MBD3: variants seen among roughly 807,000 people sequenced by gnomAD.
MBD3 encodes the protein methyl-CpG-binding domain protein 3.
Under a neutral mutation model 31.2 loss-of-function variants are expected in MBD3, and 13 were observed. That is an observed-to-expected ratio of 0.42 (90% CI 0.27 to 0.66). The LOEUF (loss-of-function observed/expected upper bound fraction) is 0.66, where lower values mean the gene tolerates loss of function less well. MBD3 is among the 30% of genes least tolerant of loss of function. The pLI is 0.26. For missense variants in MBD3, 440 were observed against 426.5 expected (o/e 1.03, Z -0.28); for synonymous variants, 223 against 187.4 (o/e 1.19, Z -1.55).
At chr19:1,591,029 G>A (rs2060701129) in intron 1 of MBD3, among the ~76,000 whole-genome samples, 1 of 152,214 alleles carries the variant, frequency 6.6e-6, no homozygotes, top group South Asian at 2.1e-4. Flanking sequence ...ACAGCCTCAG[G>A]ATACTCCGCT....
chr19:1,587,946 T>C (rs2145607388), intron 1 of MBD3, among the ~76,000 whole-genome samples: 2 of 152,344 alleles, frequency 1.3e-5, no homozygotes, highest in Admixed American at 1.3e-4. Flanking sequence ...TCCTGGCCCA[T>C]GGCAGATGCC....
intron 5 of MBD3, among the ~76,000 whole-genome samples, chr19:1,579,463 C>T (rs1249486767): frequency 6.6e-6 from 1 of 152,136 alleles, no homozygotes; most frequent in Non-Finnish European, 1.5e-5. Flanking sequence ...GGGGCCGCAG[C>T]ACGTGCTTCT....
intron 3 of MBD3, 152 bp from the exon 4 acceptor site, chr19:1,582,864 C>T: frequency 1.5e-6 from 1 of 681,746 alleles, no homozygotes; most frequent in South Asian, 1.6e-5. Context: ...GTCTCCAGAC[C>T]CTGCCCAGGC....
At chr19:1,590,938 C>A (rs2060700697) in intron 1 of MBD3, among the ~76,000 whole-genome samples, 2 of 152,252 alleles carry the variant, frequency 1.3e-5, no homozygotes, top group Non-Finnish European at 2.9e-5. Flanking sequence ...TGTAGAGGAG[C>A]TTCTCCCTGC....
Position 1,585,523 on chromosome 19 carries a change from G to A in MBD3, c.111-309C>T. The A allele has an allele frequency of 2.4e-6, 1 of 409,656 alleles. No homozygotes were observed. The highest frequency in any genetic ancestry group is 4.6e-6 in the Non-Finnish European group (1 of 219,074). 25.4% of individuals were successfully genotyped at this position (409,656 alleles called of 1,614,324 possible). ...TGGCCCTAGCCCCAGCCTCCACATC[G>A]GATCCTTGCTCCAGACCCCCAACCC... On this transcript the variant is annotated intron_variant, in intron 1 of 6. Transcript: ENST00000434436. This position sits in a 1 kb window ranked among gnomAD's most constrained non-coding sequence, Gnocchi z 4.1.
chr19:1,587,590 T>A (rs1137902), intron 1 of MBD3, among the ~76,000 whole-genome samples: 1 of 152,078 alleles, frequency 6.6e-6, no homozygotes. Flanking sequence ...AATTTTTAAA[T>A]TTTTTGCATA....
chr19:1,592,472 C>T (rs1421345092), intron 1 of MBD3, 50 bp downstream of exon 1: 1 of 1,070,230 alleles, frequency 9.3e-7, no homozygotes, highest in African/African-American at 1.7e-5. Flanking sequence ...GCCGCAGAGG[C>T]CGCTGGGAGG....
chr19:1,583,639 C>T (rs1032593402), intron 3 of MBD3, among the ~76,000 whole-genome samples: 3 of 151,958 alleles, frequency 2.0e-5, no homozygotes, highest in Non-Finnish European at 4.4e-5. Context: ...GGGAGGATCA[C>T]TTGAGGCCAG....
chr19:1,592,854 C>G lies in MBD3; in HGVS notation c.-223G>C, dbSNP rs1271381229. 1 of 147,412 alleles carries G rather than the reference C, an allele frequency of 6.8e-6. No individual in the cohort carries two copies. Among genetic ancestry groups the G allele is most frequent in the Non-Finnish European group, 1.5e-5 (1 of 66,092 alleles). 9.1% of individuals were successfully genotyped at this position (147,412 alleles called of 1,614,324 possible). A position where few individuals can be genotyped will look rare whatever the true frequency, so the allele number is the denominator to read the frequency against. ...CGCCAGCCCCCGCTCGGGGGGCCCG[C>G]TCCGCCCACCCGCCCGCGCGGGGCC... On this transcript the variant is annotated 5_prime_UTR_variant, in exon 1 of 7. Transcript: ENST00000434436.
intron 3 of MBD3, 118 bp from the exon 4 acceptor site, chr19:1,582,830 G>T: frequency 1.2e-6 from 1 of 818,208 alleles, no homozygotes; most frequent in Non-Finnish European, 2.1e-6. Context: ...TCCCAATGGG[G>T]CATCTCCCCT....
chr19:1,578,730 C>T lies in MBD3; in HGVS notation c.678-192G>A, dbSNP rs1161895637. Reference sequence around the variant, plus strand: ...AGAATGACCGGCTGCCGCTGGCCATCGCCAGCGTCCGCCACCCTCCCAGAT... The same window carrying T: ...AGAATGACCGGCTGCCGCTGGCCATTGCCAGCGTCCGCCACCCTCCCAGAT... On this transcript the variant is annotated intron_variant, in intron 5 of 6. Coordinates refer to ENST00000434436, the MANE Select transcript of MBD3 (RefSeq NM_001281453.2). This position sits in a 1 kb window ranked among gnomAD's most constrained non-coding sequence, Gnocchi z 6.1. Among the ~76,000 whole-genome samples the T allele has an allele frequency of 6.6e-6, 1 of 152,178 alleles. No homozygotes were observed. Among genetic ancestry groups the T allele is most frequent in the Non-Finnish European group, 1.5e-5 (1 of 68,018 alleles).
chr19:1,589,601 C>T (rs1485984239), intron 1 of MBD3, among the ~76,000 whole-genome samples: 5 of 152,080 alleles, frequency 3.3e-5, no homozygotes, highest in East Asian at 1.9e-4. Flanking sequence ...TGCAGTCAGC[C>T]GAGATTGCAC....
Position 1,578,006 on chromosome 19 carries a change from G to A in MBD3, c.*158C>T. The A allele has an allele frequency of 2.2e-6, 1 of 457,334 alleles. No individual in the cohort carries two copies. The highest frequency in any genetic ancestry group is 2.3e-5 in the South Asian group (1 of 44,038). 28.3% of individuals were successfully genotyped at this position (457,334 alleles called of 1,614,324 possible). A position where few individuals can be genotyped will look rare whatever the true frequency, so the allele number is the denominator to read the frequency against. On this transcript the variant is annotated 3_prime_UTR_variant, in exon 7 of 7. Coordinates refer to ENST00000434436, the MANE Select transcript of MBD3 (RefSeq NM_001281453.2). This position sits in a 1 kb window ranked among gnomAD's most constrained non-coding sequence, Gnocchi z 6.1. The stretch of plus-strand genomic sequence containing the variant: ...CCAGCTGTGTGCCCCGAGGCCCCGG[G>A]AAGTGGGGACGGGCCGAGGAGGGAG...
rs545777985 is a variant in MBD3, at chr19:1,575,290, C to T, written c.*2874G>A. 4 of 440,662 alleles carry T rather than the reference C, an allele frequency of 9.1e-6. No homozygotes were observed. Among genetic ancestry groups the T allele is most frequent in the East Asian group, 7.3e-5 (1 of 13,682 alleles). 27.3% of individuals were successfully genotyped at this position (440,662 alleles called of 1,614,324 possible). On this transcript the variant is annotated 3_prime_UTR_variant, in exon 7 of 7. Transcript: ENST00000434436. ...ATTAAAAATACAAAAATTAGCTGGG[C>T]GTGGTGGCTACTCGGGAGGCTGAGG...
At position 1,581,225 on chromosome 19, in the gene MBD3, C is replaced by A; in HGVS notation, c.544G>T (p.Ala182Ser). ...CTDETLLSAI[A>S]SALHTSTMPI... The stretch of plus-strand genomic sequence containing the variant: ...ATGGTGCTAGTGTGCAGGGCGCTGG[C>A]GATGGCCGACAGCAGCGTCTCATCC... The change falls in exon 5 of 7, where the codon GCC becomes TCC. Residue 182 changes from alanine to serine, a missense_variant. Transcript: ENST00000434436. 6.2e-7 allele frequency: 1 copy of A among 1,612,766 alleles called. No individual in the cohort carries two copies. Among genetic ancestry groups the A allele is most frequent in the African/African-American group, 1.3e-5 (1 of 75,058 alleles).
intron 5 of MBD3, among the ~76,000 whole-genome samples, chr19:1,580,380 C>T (rs527723819): frequency 1.3e-5 from 2 of 152,336 alleles, no homozygotes; most frequent in Admixed American, 6.5e-5. Context: ...CCTTTAACCC[C>T]GGCTGCTGCC....
rs553560634 is a variant in MBD3, at chr19:1,588,667, G to C, written c.111-3453C>G. On this transcript the variant is annotated intron_variant, in intron 1 of 6. Transcript: ENST00000434436. ...ACAGTGGCACGTGCCTATAGTCCCA[G>C]CTACTCGGGAGGCTGACGCAGAATT... Among the ~76,000 whole-genome samples the C allele has an allele frequency of 1.5e-3, 220 of 151,266 alleles. 1 individual carries two copies. The highest frequency in any genetic ancestry group is 5.1e-3 in the African/African-American group (212 of 41,166).
intron 1 of MBD3, chr19:1,592,205 G>T (rs1422999139): frequency 1.3e-5 from 2 of 152,960 alleles, no homozygotes; most frequent in East Asian, 3.8e-4. Flanking sequence ...CAAAGGGACA[G>T]CCCACCCTCC....
Position 1,585,084 on chromosome 19 carries a change from C to T in MBD3, c.241G>A (p.Val81Met). The change falls in exon 2 of 7, where the codon GTG becomes ATG. Residue 81 changes from valine to methionine, a missense_variant. Transcript: ENST00000434436. The surrounding 1 kb of genome is among the most constrained non-coding windows in gnomAD (Gnocchi z 4.1). ...ACCTGGTTGGAGGAGTCGTAGCGCA[C>T]GCGCTGGCGGCTCTTGTTCATCTTG... The part of the protein sequence containing the change: ...MSKMNKSRQR[V>M]RYDSSNQVKG... 6.2e-7 allele frequency: 1 copy of T among 1,612,460 alleles called. No individual in the cohort carries two copies.
Sources: allele counts gnomAD v4.1 joint callset (sites outside exome capture counted in the v4.1 genomes callset), GRCh38; gene constraint gnomAD v4.1.1; non-coding constraint Gnocchi (gnomAD v3.1); transcripts MANE v1.5; gene names NCBI Gene and HGNC (gene_info 2026-07-23, HGNC 2026-07-21).